Variants in CNTN5 observed in about 807,000 individuals in gnomAD.
CNTN5 encodes contactin 5.
Under a neutral mutation model 129.1 loss-of-function variants are expected in CNTN5, and 77 were observed. The observed-to-expected ratio is 0.60, with a 90% CI of 0.50 to 0.72. The LOEUF (loss-of-function observed/expected upper bound fraction) is 0.72. CNTN5 is among the 30% of genes least tolerant of loss of function. CNTN5 has a pLI of 0.00. For missense variants in CNTN5, 1,478 were observed against 1,328.8 expected (o/e 1.11, Z -1.75); for synonymous variants, 509 against 465.6 (o/e 1.09, Z -1.20).
chr11:99,283,634 C>A (rs1213471160), intron 1 of CNTN5, among the ~76,000 whole-genome samples: 1 of 152,002 alleles, frequency 6.6e-6, no homozygotes, highest in African/African-American at 2.4e-5. Flanking sequence ...TTACAAAGAC[C>A]AGTTGTTTGC....
intron 7 of CNTN5, among the ~76,000 whole-genome samples, chr11:99,944,411 G>T (rs190114485): frequency 6.6e-6 from 1 of 152,006 alleles, no homozygotes; most frequent in African/African-American, 2.4e-5. Flanking sequence ...ATATCATACC[G>T]AATGGGCAAA....
At chr11:100,025,954 A>G (rs1048102970) in intron 9 of CNTN5, among the ~76,000 whole-genome samples, 3 of 152,170 alleles carry the variant, frequency 2.0e-5, no homozygotes, top group Non-Finnish European at 4.4e-5. Context: ...TTAATTAAGA[A>G]TTTGGGGGAC....
At chr11:99,330,326 G>T (rs1865950515) in intron 2 of CNTN5, among the ~76,000 whole-genome samples, 1 of 151,798 alleles carries the variant, frequency 6.6e-6, no homozygotes, top group Non-Finnish European at 1.5e-5. Flanking sequence ...TATAGATTTG[G>T]CCTTTGGGCA....
chr11:99,563,710 T>C (rs1028978389), intron 3 of CNTN5, among the ~76,000 whole-genome samples: 4 of 152,304 alleles, frequency 2.6e-5, no homozygotes, highest in Non-Finnish European at 5.9e-5. Flanking sequence ...GATTGATGCC[T>C]TGTTAGCAAA....
intron 1 of CNTN5, among the ~76,000 whole-genome samples, chr11:99,198,641 G>T (rs888091852): frequency 7.9e-5 from 12 of 152,094 alleles, no homozygotes; most frequent in Non-Finnish European, 1.6e-4. Context: ...AAATGTTTAA[G>T]TGGAATATTT....
chr11:99,569,833 T>A (rs7933077), intron 3 of CNTN5, among the ~76,000 whole-genome samples: 11,860 of 152,138 alleles, frequency 0.078, 722 homozygotes, highest in African/African-American at 0.17. Flanking sequence ...AATTTTACAT[T>A]CTCCAAATCT....
intron 9 of CNTN5, among the ~76,000 whole-genome samples, chr11:100,050,013 T>C (rs1333940265): frequency 6.6e-6 from 1 of 152,134 alleles, no homozygotes; most frequent in African/African-American, 2.4e-5. Flanking sequence ...AGGAACACTT[T>C]TACACTCTTA....
chr11:99,611,637 C>T (rs1210434004), intron 3 of CNTN5, among the ~76,000 whole-genome samples: 2 of 152,120 alleles, frequency 1.3e-5, no homozygotes, highest in African/African-American at 4.8e-5. Flanking sequence ...TTACCAATTT[C>T]AACTCTTTCA....
At chr11:99,950,783 A>T (rs1263701391) in intron 7 of CNTN5, among the ~76,000 whole-genome samples, 1 of 152,230 alleles carries the variant, frequency 6.6e-6, no homozygotes, top group East Asian at 1.9e-4. Flanking sequence ...TACCACGTAG[A>T]CATTATTGTC....
chr11:99,479,656 G>A (rs1254849611), intron 2 of CNTN5, among the ~76,000 whole-genome samples: 1 of 152,064 alleles, frequency 6.6e-6, no homozygotes, highest in Non-Finnish European at 1.5e-5. Context: ...TGGGTTAAAT[G>A]TTTTGAAATC....
intron 3 of CNTN5, among the ~76,000 whole-genome samples, chr11:99,682,678 A>T (rs1299610931): frequency 6.6e-6 from 1 of 152,012 alleles, no homozygotes; most frequent in Non-Finnish European, 1.5e-5. Context: ...AAATTGGCAC[A>T]TAAAACCAAA....
At chr11:99,668,505 G>A (rs1952893359) in intron 3 of CNTN5, among the ~76,000 whole-genome samples, 1 of 152,128 alleles carries the variant, frequency 6.6e-6, no homozygotes, top group South Asian at 2.1e-4. Flanking sequence ...CTCAAGGGTG[G>A]TACTAAAACC....
intron 1 of CNTN5, among the ~76,000 whole-genome samples, chr11:99,128,034 A>G (rs1015564715): frequency 6.6e-6 from 1 of 152,224 alleles, no homozygotes; most frequent in African/African-American, 2.4e-5. Flanking sequence ...GTTGATAATC[A>G]CTTTACAGAT....
At chr11:99,625,528 T>A (rs1202626383) in intron 3 of CNTN5, among the ~76,000 whole-genome samples, 8 of 152,186 alleles carry the variant, frequency 5.3e-5, no homozygotes, top group African/African-American at 1.4e-4. Flanking sequence ...TCAATTTTCA[T>A]TATTGTAACA....
chr11:100,010,948 T>G (rs1362078223), intron 9 of CNTN5, among the ~76,000 whole-genome samples: 1 of 152,146 alleles, frequency 6.6e-6, no homozygotes, highest in Non-Finnish European at 1.5e-5. Context: ...CATTTCACTA[T>G]TTAGCCTGCC....
intron 2 of CNTN5, among the ~76,000 whole-genome samples, chr11:99,504,703 G>A (rs2135392821): frequency 6.6e-6 from 1 of 152,220 alleles, no homozygotes; most frequent in South Asian, 2.1e-4. Context: ...CAAGTAAATT[G>A]TTAGAAAGTC....
chr11:99,810,073 A>C (rs978215140), intron 3 of CNTN5, among the ~76,000 whole-genome samples: 10 of 152,152 alleles, frequency 6.6e-5, no homozygotes, highest in African/African-American at 1.9e-4. Context: ...ATAGCATCAT[A>C]ACACTATAGG....
At chr11:99,362,452 T>C (rs1433481515) in intron 2 of CNTN5, among the ~76,000 whole-genome samples, 1 of 152,026 alleles carries the variant, frequency 6.6e-6, no homozygotes, top group African/African-American at 2.4e-5. Flanking sequence ...TTCTTAATGG[T>C]ATCCTTTGAT....
At chr11:99,255,879 C>T (rs1388013735) in intron 1 of CNTN5, among the ~76,000 whole-genome samples, 2 of 151,768 alleles carry the variant, frequency 1.3e-5, no homozygotes, top group Non-Finnish European at 2.9e-5. Context: ...CGTTTCTCCA[C>T]TCTGATAAAG....
Sources: allele counts gnomAD v4.1 joint callset (sites outside exome capture counted in the v4.1 genomes callset), GRCh38; gene constraint gnomAD v4.1.1; transcripts MANE v1.5; gene names NCBI Gene and HGNC (gene_info 2026-07-23, HGNC 2026-07-21).